The following DRC11 variants were observed in gnomAD, a reference collection of about 807,000 sequenced individuals.
The protein encoded by DRC11 is IQ and AAA domain-containing protein 1.
the DRC11 span, among the ~76,000 whole-genome samples, chr2:236,380,215 A>T: frequency 3.9e-5 from 6 of 152,226 alleles, no homozygotes; most frequent in African/African-American, 1.4e-4. This position sits in a 1 kb window ranked among gnomAD's most constrained non-coding sequence, Gnocchi z 4.9. Flanking sequence ...CGGCCTCAGC[A>T]GAGGCGCTCG....
the DRC11 span, among the ~76,000 whole-genome samples, chr2:236,455,584 C>T: frequency 6.6e-6 from 1 of 152,142 alleles, no homozygotes; most frequent in Non-Finnish European, 1.5e-5. This position sits in a 1 kb window ranked among gnomAD's most constrained non-coding sequence, Gnocchi z 5.7. Context: ...CGAGTATGGT[C>T]GCTCTCGCTA....
At chr2:236,321,465 G>A in the DRC11 span, among the ~76,000 whole-genome samples, 1 of 152,234 alleles carries the variant, frequency 6.6e-6, no homozygotes, top group African/African-American at 2.4e-5. Flanking sequence ...GAGTATGTGT[G>A]TGAGTATATC....
chr2:236,465,706 G>A, the DRC11 span: 77 of 1,601,450 alleles, frequency 4.8e-5, no homozygotes, highest in South Asian at 7.3e-4. The surrounding 1 kb of genome is among the most constrained non-coding windows in gnomAD (Gnocchi z 6.2). Context: ...GAGAGGAGGT[G>A]GATTCTGAAA....
chr2:236,493,688 G>T, the DRC11 span: 1 of 1,140,944 alleles, frequency 8.8e-7, no homozygotes, highest in Non-Finnish European at 1.2e-6. Flanking sequence ...TAATCTAAGT[G>T]TTGCTCACAC....
At chr2:236,498,771 A>G in the DRC11 span, among the ~76,000 whole-genome samples, 6 of 152,000 alleles carry the variant, frequency 3.9e-5, no homozygotes, top group African/African-American at 1.2e-4. Flanking sequence ...TGGTCCCTTT[A>G]TTAGGCCCTC....
chr2:236,414,871 TAC>T, the DRC11 span, among the ~76,000 whole-genome samples: 224 of 152,302 alleles, frequency 1.5e-3, 1 homozygote, highest in Admixed American at 1.8e-3. Flanking sequence ...TGTGTACAAT[TAC>T]AGAGATCCAC....
At chr2:236,448,620 G>A in the DRC11 span, among the ~76,000 whole-genome samples, 1 of 151,968 alleles carries the variant, frequency 6.6e-6, no homozygotes, top group African/African-American at 2.4e-5. This position sits in a 1 kb window ranked among gnomAD's most constrained non-coding sequence, Gnocchi z 5.3. Flanking sequence ...ACAGGCATGA[G>A]CCACCATGCC....
chr2:236,467,702 C>A, the DRC11 span, among the ~76,000 whole-genome samples: 2 of 152,204 alleles, frequency 1.3e-5, no homozygotes, highest in African/African-American at 2.4e-5. Context: ...CATTAAAGTC[C>A]ATTTTGAAAG....
At chr2:236,386,376 C>G in the DRC11 span, among the ~76,000 whole-genome samples, 2,981 of 152,174 alleles carry the variant, frequency 0.02, 112 homozygotes, top group East Asian at 0.14. Flanking sequence ...CAACTTCTTC[C>G]TGGTTTAGTC....
the DRC11 span, among the ~76,000 whole-genome samples, chr2:236,356,799 G>C: frequency 1.5e-4 from 22 of 151,210 alleles, no homozygotes; most frequent in Admixed American, 1.5e-3. Context: ...GGGGGTGGTA[G>C]GCAACAGCCC....
the DRC11 span, among the ~76,000 whole-genome samples, chr2:236,361,382 C>A: frequency 1.3e-5 from 2 of 152,020 alleles, no homozygotes; most frequent in Non-Finnish European, 2.9e-5. This position sits in a 1 kb window ranked among gnomAD's most constrained non-coding sequence, Gnocchi z 5.7. Flanking sequence ...AAAGAGAGTA[C>A]TAAAAATGGC....
the DRC11 span, among the ~76,000 whole-genome samples, chr2:236,453,464 C>T: frequency 1.3e-5 from 2 of 152,136 alleles, no homozygotes; most frequent in African/African-American, 2.4e-5. This position sits in a 1 kb window ranked among gnomAD's most constrained non-coding sequence, Gnocchi z 4.9. Flanking sequence ...AAATTAAGAG[C>T]GTGCTAGAAC....
At chr2:236,396,424 G>A in the DRC11 span, among the ~76,000 whole-genome samples, 1 of 152,174 alleles carries the variant, frequency 6.6e-6, no homozygotes. Context: ...CCAAAGACCT[G>A]GCAGATAACA....
chr2:236,407,174 A>G, the DRC11 span, among the ~76,000 whole-genome samples: 1 of 152,222 alleles, frequency 6.6e-6, no homozygotes, highest in African/African-American at 2.4e-5. Flanking sequence ...TTTCCCCCAC[A>G]AAAGAAATAC....
chr2:236,353,385 T>C, the DRC11 span, among the ~76,000 whole-genome samples: 1 of 152,204 alleles, frequency 6.6e-6, no homozygotes, highest in East Asian at 1.9e-4. The surrounding 1 kb of genome is among the most constrained non-coding windows in gnomAD (Gnocchi z 5.0). Flanking sequence ...ACATGCATTT[T>C]ATGGGCTTGA....
the DRC11 span, among the ~76,000 whole-genome samples, chr2:236,467,600 A>C: frequency 6.6e-6 from 1 of 152,168 alleles, no homozygotes; most frequent in African/African-American, 2.4e-5. Flanking sequence ...GCTTCTGGTC[A>C]TTAGGGCAGC....
the DRC11 span, among the ~76,000 whole-genome samples, chr2:236,428,818 T>G: frequency 6.6e-6 from 1 of 152,214 alleles, no homozygotes; most frequent in African/African-American, 2.4e-5. Context: ...CATTTTGTTC[T>G]GCTATTATTT....
chr2:236,491,937 G>T, the DRC11 span, among the ~76,000 whole-genome samples: 1 of 152,170 alleles, frequency 6.6e-6, no homozygotes, highest in Admixed American at 6.5e-5. Context: ...CTTTTAAGAG[G>T]TGATAAGGTC....
At chr2:236,346,962 C>A in the DRC11 span, among the ~76,000 whole-genome samples, 1 of 152,204 alleles carries the variant, frequency 6.6e-6, no homozygotes, top group Non-Finnish European at 1.5e-5. Context: ...AGCATGCGCA[C>A]AACTCCAGTG....
Sources: gnomAD v4.1 joint callset for allele counts (sites outside exome capture counted in the v4.1 genomes callset) on GRCh38, gnomAD v4.1.1 for gene constraint, Gnocchi (gnomAD v3.1) non-coding constraint, MANE v1.5 for transcripts, NCBI Gene and HGNC (gene_info 2026-07-23, HGNC 2026-07-21) for gene names.